The following ZNF813 variants were observed in gnomAD, a reference collection of about 807,000 sequenced individuals.
ZNF813 encodes zinc finger protein 813.
ZNF813 carries 3 observed loss-of-function variants against 7.2 expected under a neutral mutation model. The ratio of observed to expected loss-of-function variants is 0.42; its 90% CI spans 0.19 to 1.08. ZNF813 has a LOEUF of 1.08. ZNF813 is among the 50% of genes least tolerant of loss of function. The pLI, the probability that ZNF813 is intolerant of heterozygous loss-of-function variation, is 0.30. For synonymous variants in ZNF813, 227 were observed against 256.3 expected (o/e 0.89, Z 1.09); for missense variants, 714 against 753.3 (o/e 0.95, Z 0.61).
intron 1 of ZNF813, among the ~76,000 whole-genome samples, chr19:53,475,275 G>A (rs1414486002): frequency 3.9e-5 from 6 of 152,332 alleles, no homozygotes; most frequent in South Asian, 2.1e-4. Context: ...CTGATGTTCC[G>A]GTAGGCAGAG....
rs1418998754 is a variant in ZNF813 at position 53,495,897 on chromosome 19, C to T, written c.*3811C>T. ...CCCCTTCTCGCCAGATCTCACAGGA[C>T]TTTCAGATTTAAGCAATACCTGGCC... On this transcript the variant is annotated 3_prime_UTR_variant, in exon 4 of 4. Transcript: ENST00000396403. 7.3e-6 allele frequency: 2 copies of T among 273,098 alleles called. No individual in the cohort carries two copies. Among genetic ancestry groups the T allele is most frequent in the African/African-American group, 4.4e-5 (2 of 44,948 alleles). The allele number at this position is 273,098 out of a possible 1,614,324, so 16.9% of individuals were successfully genotyped here. A position where few individuals can be genotyped will look rare whatever the true frequency, so the allele number is the denominator to read the frequency against.
At chr19:53,485,852 T>G (rs547251554) in intron 2 of ZNF813, among the ~76,000 whole-genome samples, 1 of 152,248 alleles carries the variant, frequency 6.6e-6, no homozygotes, top group African/African-American at 2.4e-5. Flanking sequence ...GAACCACAGG[T>G]GCCATGCCAG....
At chr19:53,482,712 G>GTTTTTTTTTTTTT in intron 1 of ZNF813, among the ~76,000 whole-genome samples, 1 of 89,090 alleles carries the variant, frequency 1.1e-5, no homozygotes, top group Non-Finnish European at 2.1e-5. Flanking sequence ...AATGCTTTTT[G>GTTTTTTTTTTTTT]TTTTTTTTTT....
intron 1 of ZNF813, among the ~76,000 whole-genome samples, chr19:53,474,955 A>G (rs1260190042): frequency 2.0e-5 from 3 of 152,108 alleles, no homozygotes; most frequent in East Asian, 1.9e-4. Context: ...TTTAAAATGC[A>G]GCGTGATCAT....
chr19:53,468,294 C>T (rs1435414430), intron 1 of ZNF813, among the ~76,000 whole-genome samples: 1 of 151,474 alleles, frequency 6.6e-6, no homozygotes, highest in African/African-American at 2.4e-5. Context: ...TCACGGCTTC[C>T]CCTGAGCCCA....
chr19:53,483,703 G>A, intron 1 of ZNF813, 47 bp from the exon 2 acceptor site: 1 of 1,557,222 alleles, frequency 6.4e-7, no homozygotes, highest in Non-Finnish European at 8.7e-7. Context: ...TTACAGGGAG[G>A]GGATGTGTTG....
rs11880580 is a variant in ZNF813 at position 53,479,384 on chromosome 19, G to A, written c.-73-4366G>A. 6.1e-3 allele frequency: 9,749 copies of A among 1,590,000 alleles called. 53 individuals carry two copies. Among genetic ancestry groups the A allele is most frequent in the African/African-American group, 0.019 (1,431 of 74,804 alleles). Reference sequence around the variant, plus strand: ...ATCACCACCATCGAGGCAGTGAAGCGCAAGATCCAGGTTCTGCAGCTGCAG... The same window carrying A: ...ATCACCACCATCGAGGCAGTGAAGCACAAGATCCAGGTTCTGCAGCTGCAG... On this transcript the variant is annotated intron_variant, in intron 1 of 3. Coordinates refer to ENST00000396403, the MANE Select transcript of ZNF813 (RefSeq NM_001004301.4).
chr19:53,479,187 G>A (rs1164242747), intron 1 of ZNF813, among the ~76,000 whole-genome samples: 2 of 152,110 alleles, frequency 1.3e-5, no homozygotes, highest in Non-Finnish European at 2.9e-5. Context: ...CACTTGCTTC[G>A]GCCCCCCAAA....
chr19:53,470,392 T>C (rs1022070936), intron 1 of ZNF813, among the ~76,000 whole-genome samples: 2 of 132,126 alleles, frequency 1.5e-5, no homozygotes, highest in African/African-American at 3.0e-5. Flanking sequence ...GCCTGAGTTT[T>C]CTCCCTTTGC....
chr19:53,481,569 A>G (rs139070184), intron 1 of ZNF813, among the ~76,000 whole-genome samples: 1 of 151,864 alleles, frequency 6.6e-6, no homozygotes, highest in Non-Finnish European at 1.5e-5. Context: ...GGCTCGTCTC[A>G]AACTCCTGAC....
At chr19:53,483,876 C>T (rs1245499185) in intron 2 of ZNF813, 39 bp downstream of exon 2, 8 of 1,613,730 alleles carry the variant, frequency 5.0e-6, no homozygotes, top group African/African-American at 2.7e-5. Context: ...TGTCTCCTTC[C>T]CCTCAGAAAT....
chr19:53,482,712 G>GTTTTTTTTT (rs869250512), intron 1 of ZNF813, among the ~76,000 whole-genome samples: 11 of 89,090 alleles, frequency 1.2e-4, no homozygotes, highest in Non-Finnish European at 1.6e-4. Context: ...AATGCTTTTT[G>GTTTTTTTTT]TTTTTTTTTT....
intron 1 of ZNF813, among the ~76,000 whole-genome samples, chr19:53,474,897 G>A (rs759221685): frequency 1.3e-5 from 2 of 152,180 alleles, no homozygotes; most frequent in South Asian, 2.1e-4. Flanking sequence ...AACTTGGGTT[G>A]TCTTGGAGAG....
chr19:53,490,398 A>T lies in ZNF813; in HGVS notation c.166A>T (p.Lys56Ter), dbSNP rs749859717. Residue 56 changes from lysine to a stop codon, truncating the protein, a stop_gained, in exon 4 of 4, where the codon AAG becomes TAG. Coordinates refer to ENST00000396403, the MANE Select transcript of ZNF813 (RefSeq NM_001004301.4). LOFTEE classifies it low-confidence loss of function (END_TRUNC). ...AGATATCTCTTCCAAATGCATGATGAAGGAGTTCTCATCAACAGCACAAGG... is the reference window on the plus strand; with the variant it reads ...AGATATCTCTTCCAAATGCATGATGTAGGAGTTCTCATCAACAGCACAAGG... Reference protein sequence around the residue: ...SLDISSKCMMKEFSSTAQGNR... With the variant: ...SLDISSKCMM 1.2e-6 allele frequency: 2 copies of T among 1,614,134 alleles called. No individual in the cohort carries two copies. The highest frequency in any genetic ancestry group is 8.5e-7 in the Non-Finnish European group (1 of 1,180,006).
chr19:53,485,991 T>A (rs2086432064), intron 2 of ZNF813, among the ~76,000 whole-genome samples: 1 of 152,122 alleles, frequency 6.6e-6, no homozygotes, highest in Non-Finnish European at 1.5e-5. Context: ...CTCTGCCTCC[T>A]GGGATCAAGC....
intron 3 of ZNF813, among the ~76,000 whole-genome samples, chr19:53,488,584 A>AT (rs35747993): frequency 0.24 from 32,521 of 134,658 alleles, 3,858 homozygotes; most frequent in Middle Eastern, 0.29. Flanking sequence ...AATTTTTTGT[A>AT]TTTTTTTTTT....
chr19:53,472,579 AG>A (rs2086364400), intron 1 of ZNF813, among the ~76,000 whole-genome samples: 1 of 148,128 alleles, frequency 6.8e-6, no homozygotes, highest in Non-Finnish European at 1.5e-5. Flanking sequence ...TCACAAATTG[AG>A]TAGATGGTCT....
chr19:53,487,416 G>C (rs1452925115), intron 3 of ZNF813, among the ~76,000 whole-genome samples: 1 of 151,342 alleles, frequency 6.6e-6, no homozygotes, highest in Non-Finnish European at 1.5e-5. Context: ...TTTTTTGTTT[G>C]TTTGTTTATG....
intron 2 of ZNF813, among the ~76,000 whole-genome samples, chr19:53,484,707 G>A (rs1223503532): frequency 2.0e-5 from 3 of 152,144 alleles, no homozygotes; most frequent in Non-Finnish European, 4.4e-5. Context: ...TGGGATTATA[G>A]GCGTGCGTCA....
Sources: gnomAD v4.1 joint callset for allele counts (sites outside exome capture counted in the v4.1 genomes callset) on GRCh38, gnomAD v4.1.1 for gene constraint, MANE v1.5 for transcripts, NCBI Gene and HGNC (gene_info 2026-07-23, HGNC 2026-07-21) for gene names.